The following CSNK1G1 variants were observed in gnomAD, a reference collection of about 807,000 sequenced individuals.
CSNK1G1 encodes casein kinase I isoform gamma-1.
CSNK1G1 carries 22 observed loss-of-function variants against 59.6 expected under a neutral mutation model. That is an observed-to-expected ratio of 0.37 (90% CI 0.26 to 0.53). The LOEUF (loss-of-function observed/expected upper bound fraction) is 0.53, where lower values mean the gene tolerates loss of function less well. Ranked by LOEUF, CSNK1G1 falls within the 20% of genes least tolerant of loss-of-function variation. The pLI, the probability that CSNK1G1 is intolerant of heterozygous loss-of-function variation, is 0.89. For missense variants in CSNK1G1, 384 were observed against 519.5 expected (o/e 0.74, Z 2.54); for synonymous variants, 179 against 177.1 (o/e 1.01, Z -0.08).
intron 10 of CSNK1G1, among the ~76,000 whole-genome samples, chr15:64,193,491 CAA>C (rs10631811): frequency 7.6e-6 from 1 of 131,970 alleles, no homozygotes; most frequent in African/African-American, 3.0e-5. Context: ...GACTCTGTCT[CAA>C]AAAAAAAAAA....
chr15:64,338,700 CAAAAAAAAAAAAAA>C (rs34206192), intron 1 of CSNK1G1, among the ~76,000 whole-genome samples: 20 of 31,530 alleles, frequency 6.3e-4, no homozygotes, highest in African/African-American at 1.9e-3. Flanking sequence ...AACTCGGTCT[CAAAAAAAAAAAAAA>C]AAAAAAAAAA....
rs924305302 is a variant in CSNK1G1 at position 64,319,740 on chromosome 15, G to A, written c.-224-19017C>T. Among the ~76,000 whole-genome samples the A allele has an allele frequency of 5.3e-5, 8 of 151,702 alleles. No individual in the cohort carries two copies. The East Asian group carries it at 9.7e-4, about 18-fold the overall frequency. On this transcript the variant is annotated intron_variant, in intron 1 of 11. Transcript: ENST00000303052. ...TGTGTGTGTGTGTTTTAGTAGAGAC[G>A]AGGTTTCACCGTGTTGCCCAGGCTG...
At chr15:64,207,873 ACTCAATG>A (rs74943055) in intron 6 of CSNK1G1, among the ~76,000 whole-genome samples, 8,557 of 152,088 alleles carry the variant, frequency 0.056, 725 homozygotes, top group African/African-American at 0.19. Flanking sequence ...TCCACCCCTC[ACTCAATG>A]CTGTCACCTT....
chr15:64,293,080 T>C (rs952859439), intron 2 of CSNK1G1, among the ~76,000 whole-genome samples: 4 of 152,182 alleles, frequency 2.6e-5, no homozygotes, highest in Admixed American at 2.6e-4. Flanking sequence ...CCAGGCCTGA[T>C]TCAGCAGAAG....
chr15:64,211,763 G>C (rs911451705), intron 6 of CSNK1G1, among the ~76,000 whole-genome samples: 1 of 152,164 alleles, frequency 6.6e-6, no homozygotes. Flanking sequence ...TAGCTATTAA[G>C]AAAGAGCGCC....
At chr15:64,219,995 A>G (rs1233838278) in intron 4 of CSNK1G1, among the ~76,000 whole-genome samples, 1 of 151,588 alleles carries the variant, frequency 6.6e-6, no homozygotes, top group East Asian at 1.9e-4. Context: ...GATAGTCTCG[A>G]TCTCCTGACC....
chr15:64,251,468 C>G lies in CSNK1G1; in HGVS notation c.292+44G>C, dbSNP rs58664836. On this transcript the variant is annotated intron_variant, in intron 4 of 11. Coordinates refer to ENST00000303052, the MANE Select transcript of CSNK1G1 (RefSeq NM_022048.5). ...AATTTGTATATTTTAGGGCTTCCAG[C>G]TAAGATACATACTAAGTAAGTGGAG... 7,636 of 1,420,248 alleles carry G rather than the reference C, an allele frequency of 5.4e-3. 112 individuals carry two copies. Among genetic ancestry groups the G allele is most frequent in the African/African-American group, 0.047 (3,281 of 69,748 alleles). 88.0% of individuals were successfully genotyped at this position (1,420,248 alleles called of 1,614,324 possible).
At chr15:64,323,211 G>A (rs1273462583) in intron 1 of CSNK1G1, among the ~76,000 whole-genome samples, 1 of 151,908 alleles carries the variant, frequency 6.6e-6, no homozygotes, top group Admixed American at 6.6e-5. Flanking sequence ...ACAAGTGTAA[G>A]CTAGCACAAC....
At chr15:64,320,069 T>A (rs1031544207) in intron 1 of CSNK1G1, among the ~76,000 whole-genome samples, 74 of 151,866 alleles carry the variant, frequency 4.9e-4, no homozygotes, top group Non-Finnish European at 5.4e-4. Flanking sequence ...GACATCTGGC[T>A]AATTTTTGTT....
At chr15:64,345,665 T>G (rs967455835) in intron 1 of CSNK1G1, among the ~76,000 whole-genome samples, 2 of 152,190 alleles carry the variant, frequency 1.3e-5, no homozygotes, top group African/African-American at 4.8e-5. Flanking sequence ...AAAACCACAC[T>G]CTGAACAATG....
At chr15:64,283,367 G>A (rs951210950) in intron 2 of CSNK1G1, among the ~76,000 whole-genome samples, 40 of 151,552 alleles carry the variant, frequency 2.6e-4, no homozygotes, top group African/African-American at 8.7e-4. Context: ...TTTTGAGACG[G>A]AGCCTCACTC....
intron 1 of CSNK1G1, among the ~76,000 whole-genome samples, chr15:64,324,827 G>A (rs577189964): frequency 6.6e-6 from 1 of 152,234 alleles, no homozygotes; most frequent in Non-Finnish European, 1.5e-5. Flanking sequence ...TTCTTTAATG[G>A]TTCTTAAGAG....
chr15:64,218,815 C>T (rs932198720), intron 4 of CSNK1G1, among the ~76,000 whole-genome samples: 11 of 151,206 alleles, frequency 7.3e-5, no homozygotes, highest in Admixed American at 4.0e-4. Flanking sequence ...TCTTGATTCT[C>T]CCTATCTCCA....
chr15:64,317,698 A>G (rs1400316287), intron 1 of CSNK1G1, among the ~76,000 whole-genome samples: 1 of 152,094 alleles, frequency 6.6e-6, no homozygotes, highest in Non-Finnish European at 1.5e-5. Context: ...TGGTCTCACT[A>G]TGTTCCCCAG....
intron 4 of CSNK1G1, among the ~76,000 whole-genome samples, chr15:64,237,039 C>G (rs2082625077): frequency 6.6e-6 from 1 of 152,014 alleles, no homozygotes; most frequent in African/African-American, 2.4e-5. Flanking sequence ...AAGACAAATA[C>G]TGTATGATAT....
intron 1 of CSNK1G1, among the ~76,000 whole-genome samples, chr15:64,305,939 A>G (rs775149749): frequency 3.3e-5 from 5 of 152,150 alleles, no homozygotes; most frequent in Non-Finnish European, 7.4e-5. Flanking sequence ...ATATATTTGC[A>G]AATAAAGAAA....
At chr15:64,235,034 G>C (rs1297236679) in intron 4 of CSNK1G1, among the ~76,000 whole-genome samples, 1 of 152,144 alleles carries the variant, frequency 6.6e-6, no homozygotes, top group Admixed American at 6.5e-5. Flanking sequence ...CGCAAGCTGA[G>C]GCAAGAGATT....
chr15:64,211,635 C>T (rs572998124), intron 6 of CSNK1G1, among the ~76,000 whole-genome samples: 1 of 152,260 alleles, frequency 6.6e-6, no homozygotes, highest in Non-Finnish European at 1.5e-5. Context: ...AGGCATTATG[C>T]TAAACATTTT....
chr15:64,177,712 A>C (rs1483579480), intron 11 of CSNK1G1, among the ~76,000 whole-genome samples: 1 of 152,260 alleles, frequency 6.6e-6, no homozygotes, highest in African/African-American at 2.4e-5. Context: ...GAATGAGCCC[A>C]TATCTTACAC....
Sources: allele counts gnomAD v4.1 joint callset (sites outside exome capture counted in the v4.1 genomes callset), GRCh38; gene constraint gnomAD v4.1.1; transcripts MANE v1.5; gene names NCBI Gene and HGNC (gene_info 2026-07-23, HGNC 2026-07-21).